The following LARP4B variants were observed in gnomAD, a reference collection of about 807,000 sequenced individuals.
The protein encoded by LARP4B is la-related protein 4B.
LARP4B carries 12 observed loss-of-function variants against 89.8 expected under a neutral mutation model. The ratio of observed to expected loss-of-function variants is 0.13; its 90% CI spans 0.09 to 0.22. The LOEUF is 0.22. LARP4B is among the 10% of genes least tolerant of loss of function. The pLI, the probability that LARP4B is intolerant of heterozygous loss-of-function variation, is 1.00. For synonymous variants in LARP4B, 367 were observed against 363.3 expected (o/e 1.01, Z -0.12); for missense variants, 757 against 947.7 (o/e 0.80, Z 2.64).
At chr10:874,161 G>A (rs1030636687) in intron 3 of LARP4B, among the ~76,000 whole-genome samples, 2 of 152,168 alleles carry the variant, frequency 1.3e-5, no homozygotes, top group African/African-American at 4.8e-5. Context: ...TTGAACCCAG[G>A]TGGCAGAGGT....
intron 1 of LARP4B, among the ~76,000 whole-genome samples, chr10:910,728 T>C (rs1836644332): frequency 6.6e-6 from 1 of 152,244 alleles, no homozygotes; most frequent in Non-Finnish European, 1.5e-5. Flanking sequence ...GATAAAGGAC[T>C]GGCAGATACT....
chr10:871,610 C>G (rs1015773712), intron 3 of LARP4B, among the ~76,000 whole-genome samples: 9 of 152,146 alleles, frequency 5.9e-5, no homozygotes, highest in African/African-American at 2.2e-4. Context: ...GGCCTCCAGG[C>G]TGCAGTCCCC....
At chr10:859,526 G>A (rs138428281) in intron 5 of LARP4B, among the ~76,000 whole-genome samples, 76 of 152,240 alleles carry the variant, frequency 5.0e-4, no homozygotes, top group African/African-American at 1.4e-3. Context: ...ACACTCCTGG[G>A]TATTTACCCA....
At chr10:939,934 C>T in the LARP4B span, among the ~76,000 whole-genome samples, 1 of 152,346 alleles carries the variant, frequency 6.6e-6, no homozygotes, top group African/African-American at 2.4e-5. Context: ...CAACCTCCAC[C>T]TCCCAGGTTC....
intron 6 of LARP4B, among the ~76,000 whole-genome samples, chr10:844,318 C>T (rs1833670409): frequency 6.6e-6 from 1 of 152,212 alleles, no homozygotes; most frequent in Admixed American, 6.5e-5. Flanking sequence ...AATCGTGGAA[C>T]AGCATGGGCA....
At chr10:905,332 T>C (rs1237205312) in intron 1 of LARP4B, among the ~76,000 whole-genome samples, 2 of 152,240 alleles carry the variant, frequency 1.3e-5, no homozygotes, top group Admixed American at 6.5e-5. Flanking sequence ...CATGCATTAA[T>C]GTGAAGTCCT....
chr10:825,379 A>C, intron 12 of LARP4B, 63 bp from the exon 13 acceptor site: 2 of 1,510,628 alleles, frequency 1.3e-6, no homozygotes, highest in Non-Finnish European at 1.8e-6. Context: ...CATAACATGC[A>C]TACTGACATG....
chr10:987,173 A>G, the LARP4B span: 1 of 152,246 alleles, frequency 6.6e-6, no homozygotes, highest in Non-Finnish European at 1.5e-5. Context: ...TTAGCAAATG[A>G]TCATAGCCAG....
chr10:860,127 T>TGGGGGG (rs60607691), intron 5 of LARP4B, among the ~76,000 whole-genome samples: 185 of 96,024 alleles, frequency 1.9e-3, no homozygotes, highest in East Asian at 4.8e-3. Flanking sequence ...TGTGTGGGGG[T>TGGGGGG]GGGGGGGAGG....
Position 822,263 on chromosome 10 carries a change from G to T in LARP4B, c.1485-1418C>A, listed in dbSNP as rs1832390440. ...ACCTGGGAGGGGTGTGAGACGGATG[G>T]TGTCAGCACCTGCTTGCCCAGAGGC... is the stretch of plus-strand genomic sequence containing the variant. On this transcript the variant is annotated intron_variant, in intron 13 of 17. Transcript: ENST00000316157. The surrounding 1 kb of genome is among the most constrained non-coding windows in gnomAD (Gnocchi z 4.6). Among the ~76,000 whole-genome samples, 1 of 152,238 alleles carries T rather than the reference G, an allele frequency of 6.6e-6. No individual in the cohort carries two copies. The highest frequency in any genetic ancestry group is 2.4e-5 in the African/African-American group (1 of 41,462).
At chr10:910,709 G>A (rs1836643762) in intron 1 of LARP4B, among the ~76,000 whole-genome samples, 1 of 152,240 alleles carries the variant, frequency 6.6e-6, no homozygotes, top group African/African-American at 2.4e-5. Context: ...GCTCATGGCA[G>A]AGGTTTGGGA....
chr10:934,596 A>T (rs1346581757), upstream of LARP4B, among the ~76,000 whole-genome samples: 1 of 151,996 alleles, frequency 6.6e-6, no homozygotes, highest in Non-Finnish European at 1.5e-5. Context: ...TTGTTCCCTC[A>T]TGATCTTCTT....
chr10:854,512 T>C (rs2131796844), intron 5 of LARP4B, among the ~76,000 whole-genome samples: 1 of 152,326 alleles, frequency 6.6e-6, no homozygotes, highest in South Asian at 2.1e-4. Flanking sequence ...CTTGTACACC[T>C]GTCAGAGCTC....
At chr10:934,206 A>T (rs913590559), upstream of LARP4B, among the ~76,000 whole-genome samples, 1 of 152,034 alleles carries the variant, frequency 6.6e-6, no homozygotes, top group African/African-American at 2.4e-5. Flanking sequence ...ATTACAAAAG[A>T]AAGTAATGGG....
chr10:980,553 C>G, the LARP4B span, among the ~76,000 whole-genome samples: 1 of 152,226 alleles, frequency 6.6e-6, no homozygotes, highest in Admixed American at 6.5e-5. Context: ...TAACACCATG[C>G]AGGAGCTGCC....
intron 1 of LARP4B, among the ~76,000 whole-genome samples, chr10:901,298 T>C (rs140054805): frequency 7.2e-5 from 11 of 152,336 alleles, no homozygotes; most frequent in Admixed American, 3.3e-4. Context: ...TAAAATACAA[T>C]AGGAATTCTA....
At chr10:909,260 A>G (rs189392698) in intron 1 of LARP4B, among the ~76,000 whole-genome samples, 24 of 143,320 alleles carry the variant, frequency 1.7e-4, no homozygotes, top group South Asian at 6.7e-4. Flanking sequence ...CGCCACTGCA[A>G]TCCAGCCTGG....
the LARP4B span, among the ~76,000 whole-genome samples, chr10:973,874 A>G: frequency 6.6e-6 from 1 of 152,150 alleles, no homozygotes; most frequent in Non-Finnish European, 1.5e-5. Flanking sequence ...GCATTCTCTC[A>G]GGATTTCTGC....
intron 3 of LARP4B, among the ~76,000 whole-genome samples, chr10:869,270 T>TGG (rs1165870992): frequency 1.3e-5 from 2 of 152,140 alleles, no homozygotes; most frequent in Non-Finnish European, 2.9e-5. Flanking sequence ...CAGTGTGACT[T>TGG]ATACCTTCAA....
Sources: gnomAD v4.1 joint callset for allele counts (sites outside exome capture counted in the v4.1 genomes callset) on GRCh38, gnomAD v4.1.1 for gene constraint, Gnocchi (gnomAD v3.1) non-coding constraint, MANE v1.5 for transcripts, NCBI Gene and HGNC (gene_info 2026-07-23, HGNC 2026-07-21) for gene names.